Variants in PKHD1L1 observed in about 807,000 individuals in gnomAD.
PKHD1L1 encodes the protein PKHD1 like 1.
A neutral mutation model predicts 462.9 loss-of-function variants in PKHD1L1; 434 were observed. That is an observed-to-expected ratio of 0.94 (90% CI 0.87 to 1.02). The LOEUF (loss-of-function observed/expected upper bound fraction) is 1.02. PKHD1L1 is among the 50% of genes least tolerant of loss of function. PKHD1L1 has a pLI of 0.00. For synonymous variants in PKHD1L1, 1,781 were observed against 1,750.0 expected (o/e 1.02, Z -0.44); for missense variants, 5,202 against 5,096.1 (o/e 1.02, Z -0.63).
chr8:109,507,744 T>C lies in PKHD1L1; in HGVS notation c.11076T>C (p.Phe3692=), dbSNP rs1162931786. The C allele has an allele frequency of 1.2e-6, 2 of 1,613,526 alleles. No individual in the cohort carries two copies. The highest frequency in any genetic ancestry group is 1.7e-6 in the Non-Finnish European group (2 of 1,179,668). ...KSFLRDIDGS[F]LGNAGSVIPQ... Reference sequence around the variant, plus strand: ...TTCTTAGAGACATAGATGGCTCCTTTCTGGGGAATGCTGGTTCTGTGATAC... The same window carrying C: ...TTCTTAGAGACATAGATGGCTCCTTCCTGGGGAATGCTGGTTCTGTGATAC... Residue 3692 remains phenylalanine (F), a synonymous_variant, in exon 69 of 78, where the codon TTT becomes TTC. Coordinates refer to ENST00000378402, the MANE Select transcript of PKHD1L1 (RefSeq NM_177531.6).
chr8:109,392,877 C>T (rs1812778862), intron 9 of PKHD1L1, among the ~76,000 whole-genome samples: 1 of 152,058 alleles, frequency 6.6e-6, no homozygotes, highest in African/African-American at 2.4e-5. Context: ...CTCTATTACC[C>T]CAAGTTCAAA....
In PKHD1L1 at chr8:109,526,840, A is replaced by T; in HGVS notation, c.12541A>T (p.Thr4181Ser). 1 of 1,585,526 alleles carries T rather than the reference A, an allele frequency of 6.3e-7. No homozygotes were observed. Among genetic ancestry groups the T allele is most frequent in the Non-Finnish European group, 8.6e-7 (1 of 1,164,994 alleles). The change falls in exon 77 of 78, where the codon ACT becomes TCT. Residue 4181 changes from threonine to serine, a missense_variant. Coordinates refer to ENST00000378402, the MANE Select transcript of PKHD1L1 (RefSeq NM_177531.6). ...TAATGTTGTTGGGGTAGAATCCAGA[A>T]CTTTCAGCCTGCTGGCAGAGTCTGT... ...LDNVVGVESR[T>S]FSLLAESVSS...
At chr8:109,398,717 A>T (rs1208020242) in intron 12 of PKHD1L1, among the ~76,000 whole-genome samples, 169 bp downstream of exon 12, 1 of 152,116 alleles carries the variant, frequency 6.6e-6, no homozygotes, top group African/African-American at 2.4e-5. Context: ...ATTTCTATTA[A>T]AATAGCTGCC....
intron 21 of PKHD1L1, among the ~76,000 whole-genome samples, chr8:109,414,961 CATTATTATT>C (rs3058250): frequency 0.06 from 8,464 of 140,494 alleles, 347 homozygotes; most frequent in African/African-American, 0.097. Context: ...ATCATCCCAA[CATTATTATT>C]ATTATTATTA....
In PKHD1L1 at chr8:109,433,614, T is replaced by C. The variant is rs1253786953; in HGVS notation, c.3340+398T>C. On this transcript the variant is annotated intron_variant, in intron 28 of 77. Transcript: ENST00000378402. ...GCAGGAAGAGGACCTGGCCATCTCCTGACTTCCAGTCCCATTGAACCTCTC... is the reference window on the plus strand; with the variant it reads ...GCAGGAAGAGGACCTGGCCATCTCCCGACTTCCAGTCCCATTGAACCTCTC... 5.9e-5 allele frequency among the ~76,000 whole-genome samples: 9 copies of C among 152,224 alleles called. No individual in the cohort carries two copies. The South Asian group carries it at 1.7e-3, about 28-fold the overall frequency.
chr8:109,426,412 T>C (rs963529058), intron 24 of PKHD1L1, among the ~76,000 whole-genome samples: 8 of 151,990 alleles, frequency 5.3e-5, no homozygotes, highest in African/African-American at 1.7e-4. Context: ...AAATATTTGG[T>C]CCAAGGCCAC....
At chr8:109,469,080 C>A (rs775453182) in intron 50 of PKHD1L1, among the ~76,000 whole-genome samples, 3 of 152,128 alleles carry the variant, frequency 2.0e-5, no homozygotes, top group Non-Finnish European at 4.4e-5. Context: ...GATTCCTCTG[C>A]CCAGTGACTA....
chr8:109,389,116 G>A lies in PKHD1L1; in HGVS notation c.661G>A (p.Gly221Ser), dbSNP rs760749926. The A allele has an allele frequency of 3.1e-6, 5 of 1,610,516 alleles. No homozygotes were observed. In the Admixed American group the frequency reaches 8.4e-5, roughly 27 times the overall value. Residue 221 changes from glycine (G) to serine (S), a missense_variant, in exon 8 of 78, where the codon GGT (glycine) becomes AGT (serine). Transcript: ENST00000378402. Reference sequence around the variant, plus strand: ...ACTGGATCATCCAAATGGAGATATGGGTTCTATGGTTTGTAAGACGACTGG... The same window carrying A: ...ACTGGATCATCCAAATGGAGATATGAGTTCTATGGTTTGTAAGACGACTGG... ...LKLDHPNGDM[G>S]SMVCKTTGTF... is the part of the protein sequence containing the mutation.
At chr8:109,398,192 T>C (rs1224985045) in intron 11 of PKHD1L1, among the ~76,000 whole-genome samples, 1 of 152,186 alleles carries the variant, frequency 6.6e-6, no homozygotes, top group African/African-American at 2.4e-5. Context: ...AAAGACATAG[T>C]ATTATCAAAT....
At position 109,445,210 on chromosome 8, in the gene PKHD1L1, G is replaced by C; in HGVS notation, c.5341G>C (p.Val1781Leu). The change falls in exon 38 of 78, where the codon GTT becomes CTT. Residue 1781 changes from valine (V) to leucine (L), a missense_variant. Physicochemically the swap from Val to Leu is conservative, Grantham distance 32. This residue lies in a region of PKHD1L1 where 4,497 missense variants were observed against 4,336.8 expected (regional missense o/e 1.04). Transcript: ENST00000378402. ...GGGGACTGTTTTGGAGGACATTGCT[G>C]TTTTCATTGGAAATCAACAGTTCAG... ...GLGTVLEDIA[V>L]FIGNQQFRAI... 1 of 1,613,972 alleles carries C rather than the reference G, an allele frequency of 6.2e-7. No individual in the cohort carries two copies. The highest frequency in any genetic ancestry group is 1.1e-5 in the South Asian group (1 of 91,082).
At position 109,531,611 on chromosome 8, in the gene PKHD1L1, A is replaced by G. The variant is rs1020900885; in HGVS notation, c.*1521A>G. ...AAGAAAACTGGGAGAGGACCACTGA[A>G]GGCCTAGGGGCTACAGAAAAAATTC... On this transcript the variant is annotated 3_prime_UTR_variant, in exon 78 of 78. Coordinates refer to ENST00000378402, the MANE Select transcript of PKHD1L1 (RefSeq NM_177531.6). Among the ~76,000 whole-genome samples the G allele has an allele frequency of 1.3e-5, 2 of 152,184 alleles. No homozygotes were observed. The highest frequency in any genetic ancestry group is 4.8e-5 in the African/African-American group (2 of 41,448).
chr8:109,407,842 C>T (rs1379363), intron 17 of PKHD1L1, among the ~76,000 whole-genome samples: 46,324 of 151,964 alleles, frequency 0.3, 7,685 homozygotes, highest in Admixed American at 0.44. Context: ...ACTTTGTCTG[C>T]TTTGCTATTT....
intron 14 of PKHD1L1, among the ~76,000 whole-genome samples, chr8:109,402,975 C>T (rs143268113): frequency 9.9e-5 from 15 of 151,954 alleles, no homozygotes; most frequent in African/African-American, 3.4e-4. Flanking sequence ...ATGAAAACTA[C>T]TGGGCCAGGT....
intron 9 of PKHD1L1, among the ~76,000 whole-genome samples, chr8:109,391,411 C>A (rs942448286): frequency 1.3e-5 from 2 of 152,174 alleles, no homozygotes; most frequent in African/African-American, 4.8e-5. Context: ...CCATCCTGAT[C>A]CAGGATTTCA....
In PKHD1L1 at chr8:109,452,093, A is replaced by G. The variant is rs567553714; in HGVS notation, c.6351-31A>G. 103 of 1,594,428 alleles carry G rather than the reference A, an allele frequency of 6.5e-5. No individual in the cohort carries two copies. In the South Asian group the frequency reaches 1.1e-3, roughly 16 times the overall value. On this transcript the variant is annotated intron_variant, in intron 41 of 77. Coordinates refer to ENST00000378402, the MANE Select transcript of PKHD1L1 (RefSeq NM_177531.6). ...TGTGATCTAGATATTTGAGAAAAACATACATGTTATGTTTTCCCTCTTTTT... is the reference window on the plus strand; with the variant it reads ...TGTGATCTAGATATTTGAGAAAAACGTACATGTTATGTTTTCCCTCTTTTT...
At position 109,465,111 on chromosome 8, in the gene PKHD1L1, C is replaced by G. The variant is rs778546307; in HGVS notation, c.8279C>G (p.Ser2760Cys). ...NCVALGVTSI[S>C]GVCNDRCGGW... Reference sequence around the variant, plus strand: ...GTAGCTTTGGGAGTGACATCCATCTCTGGAGTTTGTAATGACAGATGTGGG... The same window carrying G: ...GTAGCTTTGGGAGTGACATCCATCTGTGGAGTTTGTAATGACAGATGTGGG... The change falls in exon 49 of 78, where the codon TCT (serine) becomes TGT (cysteine). Residue 2760 changes from serine (S) to cysteine (C), a missense_variant. Coordinates refer to ENST00000378402, the MANE Select transcript of PKHD1L1 (RefSeq NM_177531.6). The G allele has an allele frequency of 2.5e-6, 4 of 1,613,820 alleles. No individual in the cohort carries two copies. The East Asian group carries it at 8.9e-5, about 36-fold the overall frequency.
At chr8:109,460,325 G>T (rs6981268) in intron 47 of PKHD1L1, among the ~76,000 whole-genome samples, 5 of 152,182 alleles carry the variant, frequency 3.3e-5, no homozygotes, top group South Asian at 2.1e-4. Flanking sequence ...TCCAGAATTT[G>T]CAGTTTATCA....
chr8:109,470,737 G>T, intron 50 of PKHD1L1: 2 of 1,560,406 alleles, frequency 1.3e-6, no homozygotes, highest in Non-Finnish European at 1.8e-6. Context: ...ATCTTCTTGG[G>T]ACAGCCAGTT....
chr8:109,385,753 T>C, intron 6 of PKHD1L1, 123 bp downstream of exon 6: 1 of 567,240 alleles, frequency 1.8e-6, no homozygotes, highest in Non-Finnish European at 2.8e-6. Context: ...GTGTTTTTTT[T>C]TTCAGCCATA....
Sources: gnomAD v4.1 joint callset for allele counts (sites outside exome capture counted in the v4.1 genomes callset) on GRCh38, gnomAD v4.1.1 for gene constraint, gnomAD v4.1.1 regional missense constraint, MANE v1.5 for transcripts, NCBI Gene and HGNC (gene_info 2026-07-23, HGNC 2026-07-21) for gene names.